Variants in ERGIC1 observed in about 807,000 individuals in gnomAD.
ERGIC1 encodes the protein endoplasmic reticulum-Golgi intermediate compartment protein 1.
Under a neutral mutation model 38.3 loss-of-function variants are expected in ERGIC1, and 19 were observed. That is an observed-to-expected ratio of 0.50 (90% CI 0.35 to 0.73). The LOEUF (loss-of-function observed/expected upper bound fraction) is 0.73. Among genes scored for constraint, ERGIC1 ranks in the 30% least tolerant of loss-of-function variants. The pLI, the probability that ERGIC1 is intolerant of heterozygous loss-of-function variation, is 0.01. For synonymous variants in ERGIC1, 124 were observed against 157.6 expected, an observed-to-expected ratio of 0.79 and a Z score of 1.60; for missense variants, 294 against 389.2, an observed-to-expected ratio of 0.76 and a Z score of 2.06.
chr5:172,892,060 A>ATTTTTTTTTT (rs372105420), intron 2 of ERGIC1, among the ~76,000 whole-genome samples: 3 of 125,582 alleles, frequency 2.4e-5, no homozygotes, highest in African/African-American at 9.4e-5. Flanking sequence ...GTTAAAGAGT[A>ATTTTTTTTTT]TGTTTTTTTT....
Position 172,926,691 on chromosome 5 carries a change from G to C in ERGIC1, c.541+122G>C, listed in dbSNP as rs1763658993. 9.4e-7 allele frequency: 1 copy of C among 1,064,954 alleles called. No homozygotes were observed. Among genetic ancestry groups the C allele is most frequent in the Non-Finnish European group, 1.4e-6 (1 of 711,792 alleles). 66.0% of individuals were successfully genotyped at this position (1,064,954 alleles called of 1,614,324 possible). Reference sequence around the variant, plus strand: ...CCCACTCCAAGGCAGGGAGGCTGCTGCTCACACTCCATTCCCACAGCTAAC... The same window carrying C: ...CCCACTCCAAGGCAGGGAGGCTGCTCCTCACACTCCATTCCCACAGCTAAC... On this transcript the variant is annotated intron_variant, in intron 7 of 9. Transcript: ENST00000393784. The surrounding 1 kb of genome is among the most constrained non-coding windows in gnomAD (Gnocchi z 5.2).
intron 9 of ERGIC1, among the ~76,000 whole-genome samples, chr5:172,950,065 G>T (rs1365111270): frequency 6.6e-6 from 1 of 152,098 alleles, no homozygotes; most frequent in Non-Finnish European, 1.5e-5. Context: ...AGAAAAAAAA[G>T]AAAAAGAAAA....
At chr5:172,856,847 C>T (rs1289888390) in intron 1 of ERGIC1, among the ~76,000 whole-genome samples, 1 of 152,162 alleles carries the variant, frequency 6.6e-6, no homozygotes, top group Non-Finnish European at 1.5e-5. Flanking sequence ...TACCCTTGCA[C>T]CTCAGTATCC....
chr5:172,903,947 G>A (rs548862883), intron 3 of ERGIC1, among the ~76,000 whole-genome samples: 5 of 131,962 alleles, frequency 3.8e-5, no homozygotes, highest in African/African-American at 1.4e-4. Flanking sequence ...CGGCCCTCAA[G>A]AGAGAGATGA....
At chr5:172,859,280 C>G (rs1761636523) in intron 1 of ERGIC1, among the ~76,000 whole-genome samples, 1 of 152,108 alleles carries the variant, frequency 6.6e-6, no homozygotes, top group South Asian at 2.1e-4. Context: ...GCTGGTCATT[C>G]AGGAACTTTG....
chr5:172,906,365 G>C (rs2446189), intron 3 of ERGIC1, among the ~76,000 whole-genome samples: 1 of 152,064 alleles, frequency 6.6e-6, no homozygotes, highest in South Asian at 2.1e-4. Flanking sequence ...CCCTCTCCGA[G>C]CCTGTTCCCT....
intron 1 of ERGIC1, among the ~76,000 whole-genome samples, chr5:172,879,862 G>A (rs2113214805): frequency 6.6e-6 from 1 of 152,198 alleles, no homozygotes; most frequent in African/African-American, 2.4e-5. Flanking sequence ...GTGTGCCATG[G>A]AATGTTTAGC....
chr5:172,902,380 T>G (rs1025544313), intron 3 of ERGIC1, among the ~76,000 whole-genome samples: 13 of 152,024 alleles, frequency 8.6e-5, no homozygotes, highest in Non-Finnish European at 1.8e-4. Flanking sequence ...TGAGCCAGGC[T>G]GGGTAGAGGG....
chr5:172,945,825 C>T (rs1400791745), intron 9 of ERGIC1, among the ~76,000 whole-genome samples: 1 of 152,118 alleles, frequency 6.6e-6, no homozygotes, highest in Non-Finnish European at 1.5e-5. Context: ...GCTGGGATTA[C>T]AGGCACCTGC....
rs536403401 is a variant in ERGIC1 at position 172,951,738 on chromosome 5, G to A, written c.*922G>A. ...AGATAGACATGGTTTGTGCACTTACGTCCAGATGGGAAGCATCCTTCCTGC... is the reference window on the plus strand; with the variant it reads ...AGATAGACATGGTTTGTGCACTTACATCCAGATGGGAAGCATCCTTCCTGC... On this transcript the variant is annotated 3_prime_UTR_variant, in exon 10 of 10. Coordinates refer to ENST00000393784, the MANE Select transcript of ERGIC1 (RefSeq NM_001031711.3). 3.2e-4 allele frequency: 49 copies of A among 152,246 alleles called. No individual in the cohort carries two copies. Among genetic ancestry groups the A allele is most frequent in the African/African-American group, 1.1e-3 (45 of 41,566 alleles). 9.4% of individuals were successfully genotyped at this position (152,246 alleles called of 1,614,324 possible).
chr5:172,948,270 C>T (rs1422600622), intron 9 of ERGIC1, among the ~76,000 whole-genome samples: 3 of 152,250 alleles, frequency 2.0e-5, no homozygotes, highest in Non-Finnish European at 4.4e-5. Flanking sequence ...TCACAGGCCC[C>T]CGCTTAGCTC....
At chr5:172,875,493 C>T (rs1260312454) in intron 1 of ERGIC1, among the ~76,000 whole-genome samples, 1 of 152,058 alleles carries the variant, frequency 6.6e-6, no homozygotes, top group African/African-American at 2.4e-5. Context: ...TATCATCAGT[C>T]AGAGCAATGG....
intron 7 of ERGIC1, among the ~76,000 whole-genome samples, chr5:172,927,333 C>T (rs1763676999): frequency 6.6e-6 from 1 of 152,182 alleles, no homozygotes; most frequent in Admixed American, 6.6e-5. Flanking sequence ...CGTTTGCTCT[C>T]CCATTGTCAG....
intron 1 of ERGIC1, among the ~76,000 whole-genome samples, chr5:172,884,261 T>G (rs963184436): frequency 6.7e-5 from 10 of 149,936 alleles, no homozygotes; most frequent in East Asian, 1.9e-4. Flanking sequence ...TTTTTTTTTT[T>G]TTTTTTTTTA....
chr5:172,874,544 A>G (rs958170378), intron 1 of ERGIC1, among the ~76,000 whole-genome samples: 1 of 152,204 alleles, frequency 6.6e-6, no homozygotes, highest in Non-Finnish European at 1.5e-5. Flanking sequence ...ATGGGGTTCC[A>G]GCTCTCTGGT....
At position 172,837,079 on chromosome 5, in the gene ERGIC1, G is replaced by A. The variant is rs1455494853; in HGVS notation, c.20+2646G>A. On this transcript the variant is annotated intron_variant, in intron 1 of 9. Coordinates refer to ENST00000393784, the MANE Select transcript of ERGIC1 (RefSeq NM_001031711.3). The surrounding 1 kb of genome is among the most constrained non-coding windows in gnomAD (Gnocchi z 4.3). ...TGTGGGGAGTGGAGAGGGGTATACC[G>A]TGATTAGACCTCCTCCCCCAGTTCA... Among the ~76,000 whole-genome samples, 6 of 152,114 alleles carry A rather than the reference G, an allele frequency of 3.9e-5. No homozygotes were observed. Among genetic ancestry groups the A allele is most frequent in the African/African-American group, 7.2e-5 (3 of 41,402 alleles).
intron 3 of ERGIC1, among the ~76,000 whole-genome samples, chr5:172,908,336 A>AGGAGGGGGAGGGGGGAGGGGGGG (rs1763102893): frequency 2.8e-3 from 1 of 356 alleles, no homozygotes; most frequent in Non-Finnish European, 5.7e-3. Context: ...GGAGGGGGGG[A>AGGAGGGGGAGGGGGGAGGGGGGG]GGGGGGAGGG....
At chr5:172,866,331 C>G (rs934055013) in intron 1 of ERGIC1, among the ~76,000 whole-genome samples, 21 of 152,182 alleles carry the variant, frequency 1.4e-4, no homozygotes, top group African/African-American at 5.1e-4. Flanking sequence ...GGGGCCCCTG[C>G]CGCTGCCCTG....
intron 1 of ERGIC1, among the ~76,000 whole-genome samples, chr5:172,880,667 G>C (rs1006483941): frequency 6.6e-6 from 1 of 152,194 alleles, no homozygotes. Context: ...GCACCTTCAA[G>C]TGAGCAAGGC....
Sources: gnomAD v4.1 joint callset for allele counts (sites outside exome capture counted in the v4.1 genomes callset) on GRCh38, gnomAD v4.1.1 for gene constraint, Gnocchi (gnomAD v3.1) non-coding constraint, MANE v1.5 for transcripts, NCBI Gene and HGNC (gene_info 2026-07-23, HGNC 2026-07-21) for gene names.